GNB1: variants seen among roughly 807,000 people sequenced by gnomAD.
The protein encoded by GNB1 is G protein subunit beta 1.
GNB1 carries 2 observed loss-of-function variants against 42.9 expected under a neutral mutation model. The observed-to-expected ratio is 0.05, with a 90% CI of 0.02 to 0.15. The LOEUF is 0.15. Among genes scored for constraint, GNB1 ranks in the 10% least tolerant of loss-of-function variants. The probability of loss-of-function intolerance (pLI) is 1.00; values close to 1 mark genes in which losing one functional copy is unlikely to be tolerated. For missense variants in GNB1, 193 were observed against 462.2 expected, an observed-to-expected ratio of 0.42 and a Z score of 5.34; for synonymous variants, 183 against 174.7, an observed-to-expected ratio of 1.05 and a Z score of -0.38.
At chr1:1,822,373 G>A (rs1247982253) in intron 3 of GNB1, among the ~76,000 whole-genome samples, 3 of 147,060 alleles carry the variant, frequency 2.0e-5, no homozygotes, top group Admixed American at 7.1e-5. Context: ...GCGCGCTCTC[G>A]CCTCACTGCA....
intron 7 of GNB1, among the ~76,000 whole-genome samples, chr1:1,796,850 G>A (rs1247347622): frequency 6.6e-6 from 1 of 152,184 alleles, no homozygotes; most frequent in African/African-American, 2.4e-5. Flanking sequence ...GGGACCACTG[G>A]CTATAGGGAC....
chr1:1,794,187 C>T (rs9970652), intron 7 of GNB1: 22,476 of 152,010 alleles, frequency 0.15, 1,867 homozygotes, highest in Middle Eastern at 0.3. Flanking sequence ...TGAGGAAAAG[C>T]AACAACAAAA....
intron 7 of GNB1, among the ~76,000 whole-genome samples, chr1:1,799,155 C>T (rs567566877): frequency 2.6e-5 from 4 of 152,210 alleles, no homozygotes; most frequent in African/African-American, 4.8e-5. Flanking sequence ...CTCCTGACCT[C>T]GTGATCCGCC....
Position 1,845,935 on chromosome 1 carries a change from C to A in GNB1, c.-95-6697G>T, listed in dbSNP as rs527408581. 2.0e-5 allele frequency among the ~76,000 whole-genome samples: 3 copies of A among 151,802 alleles called. No individual in the cohort carries two copies. The East Asian group carries it at 5.8e-4, about 29-fold the overall frequency. ...AGCAACGACCTCTCCACACACAAAGCCCAAATCTTGGTTTTATAAAAACGG... is the reference window on the plus strand; with the variant it reads ...AGCAACGACCTCTCCACACACAAAGACCAAATCTTGGTTTTATAAAAACGG... On this transcript the variant is annotated intron_variant, in intron 1 of 11. Transcript: ENST00000378609.
intron 1 of GNB1, among the ~76,000 whole-genome samples, chr1:1,879,488 C>A (rs112522584): frequency 6.6e-6 from 1 of 152,160 alleles, no homozygotes; most frequent in East Asian, 1.9e-4. Flanking sequence ...GGGCAGATCA[C>A]GAGATCAGGC....
chr1:1,837,928 C>T (rs1330334673), intron 2 of GNB1, among the ~76,000 whole-genome samples: 1 of 150,132 alleles, frequency 6.7e-6, no homozygotes, highest in Non-Finnish European at 1.5e-5. Flanking sequence ...ACTAACCAGG[C>T]GTGGTGGCTC....
chr1:1,886,962 C>T (rs536336570), intron 1 of GNB1, among the ~76,000 whole-genome samples: 1 of 152,300 alleles, frequency 6.6e-6, no homozygotes, highest in Non-Finnish European at 1.5e-5. Context: ...ATCCGCCTGA[C>T]TCGGCCTCCC....
At chr1:1,889,432 A>G (rs1650343597) in intron 1 of GNB1, among the ~76,000 whole-genome samples, 1 of 152,208 alleles carries the variant, frequency 6.6e-6, no homozygotes. Context: ...CTAACTGTAA[A>G]TGTACACCAA....
chr1:1,880,596 T>TAC (rs1557951310), intron 1 of GNB1, among the ~76,000 whole-genome samples: 1 of 150,942 alleles, frequency 6.6e-6, no homozygotes, highest in Non-Finnish European at 1.5e-5. Flanking sequence ...AAAAAAAAAA[T>TAC]ATATATATAT....
intron 7 of GNB1, 21 bp from the exon 8 acceptor site, chr1:1,793,332 G>C: frequency 4.4e-6 from 7 of 1,582,008 alleles, no homozygotes; most frequent in Non-Finnish European, 6.1e-6. Flanking sequence ...ACAGGCCTAA[G>C]TGATGAGCTG....
At chr1:1,837,081 TTC>T (rs527809769) in intron 2 of GNB1, among the ~76,000 whole-genome samples, 228 of 152,218 alleles carry the variant, frequency 1.5e-3, no homozygotes, top group South Asian at 3.1e-3. Context: ...TTGTCTTTCG[TTC>T]TCTGTTTTTT....
At chr1:1,789,857 C>T (rs1055457714) in intron 9 of GNB1, among the ~76,000 whole-genome samples, 8 of 152,148 alleles carry the variant, frequency 5.3e-5, no homozygotes, top group Non-Finnish European at 8.8e-5. Context: ...AGAAAGTAGT[C>T]ATCACTGACA....
chr1:1,865,261 CA>C (rs1357509782), intron 1 of GNB1, among the ~76,000 whole-genome samples: 20 of 122,800 alleles, frequency 1.6e-4, no homozygotes, highest in African/African-American at 6.1e-4. Flanking sequence ...GACTCCATCT[CA>C]AAAAACAAAA....
intron 1 of GNB1, among the ~76,000 whole-genome samples, chr1:1,879,221 G>A (rs977413007): frequency 3.9e-5 from 6 of 152,156 alleles, no homozygotes; most frequent in South Asian, 2.1e-4. Flanking sequence ...CTAAACCAGC[G>A]CTGCTCAGAT....
At chr1:1,867,728 C>T (rs998025717) in intron 1 of GNB1, among the ~76,000 whole-genome samples, 1 of 152,200 alleles carries the variant, frequency 6.6e-6, no homozygotes, top group African/African-American at 2.4e-5. Context: ...CCCAAACAGG[C>T]ATCTTTTGCT....
chr1:1,887,280 T>C (rs553124030), intron 1 of GNB1, among the ~76,000 whole-genome samples: 2 of 152,338 alleles, frequency 1.3e-5, no homozygotes, highest in Admixed American at 6.5e-5. Flanking sequence ...TCTAAAATAA[T>C]ACCAATGTTA....
At chr1:1,836,605 C>T (rs1324950251) in intron 2 of GNB1, among the ~76,000 whole-genome samples, 3 of 151,958 alleles carry the variant, frequency 2.0e-5, no homozygotes, top group Non-Finnish European at 4.4e-5. Context: ...GGCTGGAGTG[C>T]AGTTGCACAA....
At position 1,827,381 on chromosome 1, in the gene GNB1, T is replaced by C. The variant is rs150000533; in HGVS notation, c.-46-1882A>G. Among the ~76,000 whole-genome samples, 816 of 152,272 alleles carry C rather than the reference T, an allele frequency of 5.4e-3. 4 individuals are homozygous for C. Among genetic ancestry groups the C allele is most frequent in the African/African-American group, 0.013 (554 of 41,546 alleles). On this transcript the variant is annotated intron_variant, in intron 2 of 11. Coordinates refer to ENST00000378609, the MANE Select transcript of GNB1 (RefSeq NM_002074.5). ...GGTGTCAGAAAGATTTCTGACCAAA[T>C]AGTTGTTTCTAAAGGCATTATTTGA...
rs1163428232 is a variant in GNB1 at position 1,785,803 on chromosome 1, CTT to C, written c.*1258_*1259del. ...CCAACAGCAGTCGTTTGCAACAGAA[CTT>C]TTTTTTTTTTAAAGAAATAAAGAAA... On this transcript the variant is annotated 3_prime_UTR_variant, in exon 12 of 12. Transcript: ENST00000378609. The C allele has an allele frequency of 2.0e-4, 59 of 291,866 alleles. No individual in the cohort carries two copies. The highest frequency in any genetic ancestry group is 3.7e-4 in the East Asian group (7 of 19,054). 18.1% of individuals were successfully genotyped at this position (291,866 alleles called of 1,614,324 possible).
Sources: gnomAD v4.1 joint callset for allele counts (sites outside exome capture counted in the v4.1 genomes callset) on GRCh38, gnomAD v4.1.1 for gene constraint, MANE v1.5 for transcripts, NCBI Gene and HGNC (gene_info 2026-07-23, HGNC 2026-07-21) for gene names.